Variants in ABLIM1 observed in about 807,000 individuals in gnomAD.
The protein encoded by ABLIM1 is actin binding LIM protein 1, also known as actin-binding LIM protein 1.
In ABLIM1, 40 loss-of-function variants were observed where a neutral mutation model predicts 107.0. That is an observed-to-expected ratio of 0.37 (90% CI 0.29 to 0.49). The LOEUF is 0.49. ABLIM1 is among the 20% of genes least tolerant of loss of function. The probability of loss-of-function intolerance (pLI) is 0.97; values close to 1 mark genes in which losing one functional copy is unlikely to be tolerated. For missense variants in ABLIM1, 857 were observed against 1,008.5 expected, an observed-to-expected ratio of 0.85 and a Z score of 2.04; for synonymous variants, 357 against 357.3, an observed-to-expected ratio of 1.00 and a Z score of 0.01.
At chr10:114,597,167 G>A (rs2075497452) in intron 2 of ABLIM1, among the ~76,000 whole-genome samples, 1 of 152,218 alleles carries the variant, frequency 6.6e-6, no homozygotes, top group South Asian at 2.1e-4. Context: ...GTTGTTTTAG[G>A]ACTTGGCTGC....
In ABLIM1 at chr10:114,733,263, A is replaced by G. The variant is rs1353874464; in HGVS notation, c.-213+34798T>C. On this transcript the variant is annotated intron_variant, in intron 1 of 15. Coordinates refer to the ABLIM1 transcript ENST00000651092. ...CAGGGTGGAAGAACAGAGGGAACAG[A>G]GTCCTAATCAAAGACCACAGGGAAA... 2.0e-5 allele frequency among the ~76,000 whole-genome samples: 3 copies of G among 152,190 alleles called. No homozygotes were observed. The East Asian group carries it at 5.8e-4, about 29-fold the overall frequency.
intron 6 of ABLIM1, among the ~76,000 whole-genome samples, chr10:114,521,991 C>T (rs1275909996): frequency 6.6e-6 from 1 of 151,996 alleles, no homozygotes; most frequent in Non-Finnish European, 1.5e-5. Flanking sequence ...TCAAAAGAGG[C>T]AGGTTGAATA....
chr10:114,788,170 G>A, the ABLIM1 span, among the ~76,000 whole-genome samples: 1 of 151,204 alleles, frequency 6.6e-6, no homozygotes, highest in Non-Finnish European at 1.5e-5. Context: ...CTAATCTCAA[G>A]TACCCAGGGA....
chr10:114,448,219 A>G (rs1402912167), intron 14 of ABLIM1, among the ~76,000 whole-genome samples, 199 bp from the exon 15 acceptor site: 1 of 152,252 alleles, frequency 6.6e-6, no homozygotes, highest in Non-Finnish European at 1.5e-5. Flanking sequence ...TTACGTCAGA[A>G]GCAAAGCTTC....
chr10:114,474,640 C>A (rs11196756), intron 8 of ABLIM1, among the ~76,000 whole-genome samples: 76,209 of 151,514 alleles, frequency 0.5, 19,385 homozygotes, highest in East Asian at 0.6. Context: ...TCCACCTCCC[C>A]AAGTGCTGGG....
chr10:114,512,351 C>T (rs949941526), intron 6 of ABLIM1, among the ~76,000 whole-genome samples: 4 of 152,194 alleles, frequency 2.6e-5, no homozygotes, highest in African/African-American at 4.8e-5. Context: ...AAAGGCTTTA[C>T]GTAGGAACCT....
intron 1 of ABLIM1, among the ~76,000 whole-genome samples, chr10:114,735,104 A>G (rs2082152106): frequency 6.6e-6 from 1 of 152,148 alleles, no homozygotes; most frequent in Admixed American, 6.5e-5. Context: ...TTACAAAGAC[A>G]AGATAGATTC....
chr10:114,472,252 T>C (rs1275351691), intron 10 of ABLIM1, among the ~76,000 whole-genome samples: 1 of 152,134 alleles, frequency 6.6e-6, no homozygotes, highest in African/African-American at 2.4e-5. Flanking sequence ...TAGGACCATT[T>C]TTCTTATTTT....
intron 14 of ABLIM1, 37 bp downstream of exon 14, chr10:114,451,587 G>T (rs374482898): frequency 1.3e-6 from 2 of 1,582,810 alleles, no homozygotes; most frequent in Admixed American, 1.7e-5. Context: ...AGCTGACTTT[G>T]CTATTTAAAA....
At chr10:114,775,741 T>C in the ABLIM1 span, among the ~76,000 whole-genome samples, 9 of 152,234 alleles carry the variant, frequency 5.9e-5, no homozygotes, top group African/African-American at 2.2e-4. Flanking sequence ...CATTTGTGAC[T>C]GAACTCCAAA....
rs34180605 is a variant in ABLIM1, at chr10:114,721,126, AG to A, written c.-213+46934del. On this transcript the variant is annotated intron_variant, in intron 1 of 15. Coordinates refer to the ABLIM1 transcript ENST00000651092. Reference sequence around the variant, plus strand: ...TAAGGAGGGCTGCCACACTATTAATAGATTGAGTAGCTTTACAAAGTCTGGT... The same window carrying A: ...TAAGGAGGGCTGCCACACTATTAATAATTGAGTAGCTTTACAAAGTCTGGT... Among the ~76,000 whole-genome samples, 1,513 of 152,320 alleles carry A rather than the reference AG, an allele frequency of 9.9e-3. 24 individuals carry two copies. The highest frequency in any genetic ancestry group is 0.033 in the African/African-American group (1,383 of 41,568).
chr10:114,513,762 G>T (rs1255037416), intron 6 of ABLIM1, among the ~76,000 whole-genome samples: 1 of 152,128 alleles, frequency 6.6e-6, no homozygotes, highest in African/African-American at 2.4e-5. Flanking sequence ...ACAAGCAATC[G>T]ATTTTTCCAT....
intron 6 of ABLIM1, among the ~76,000 whole-genome samples, chr10:114,501,398 C>A (rs755748053): frequency 3.9e-5 from 6 of 152,206 alleles, no homozygotes; most frequent in Non-Finnish European, 8.8e-5. Flanking sequence ...AAGATCTGCA[C>A]TGGCAAAGCA....
intron 2 of ABLIM1, among the ~76,000 whole-genome samples, chr10:114,582,039 G>T (rs2073443174): frequency 6.6e-6 from 1 of 152,030 alleles, no homozygotes; most frequent in Admixed American, 6.6e-5. Flanking sequence ...GAGAAAGAAA[G>T]AAAAGTCATC....
At chr10:114,546,617 G>A (rs2067380720) in intron 5 of ABLIM1, among the ~76,000 whole-genome samples, 1 of 152,216 alleles carries the variant, frequency 6.6e-6, no homozygotes, top group South Asian at 2.1e-4. Flanking sequence ...CAGTGCAGGT[G>A]TTTCAGCCTT....
At chr10:114,478,521 T>C (rs2056833303) in intron 8 of ABLIM1, among the ~76,000 whole-genome samples, 1 of 152,186 alleles carries the variant, frequency 6.6e-6, no homozygotes, top group Non-Finnish European at 1.5e-5. Context: ...GTGAGAGAAG[T>C]CTCACGAGAC....
At chr10:114,605,382 C>A (rs1366963067) in intron 1 of ABLIM1, among the ~76,000 whole-genome samples, 1 of 152,168 alleles carries the variant, frequency 6.6e-6, no homozygotes, top group Non-Finnish European at 1.5e-5. Context: ...CCCTTATCTG[C>A]CAACTGGTTG....
chr10:114,775,301 G>A, the ABLIM1 span, among the ~76,000 whole-genome samples: 7 of 152,156 alleles, frequency 4.6e-5, no homozygotes, highest in Admixed American at 4.6e-4. Context: ...TGAGATTTGG[G>A]TGGGGACACA....
intron 6 of ABLIM1, among the ~76,000 whole-genome samples, chr10:114,533,773 C>A (rs1386216631): frequency 6.6e-6 from 1 of 152,112 alleles, no homozygotes; most frequent in South Asian, 2.1e-4. Context: ...AACACCTGGG[C>A]TCTAGCAGTC....
Sources: gnomAD v4.1 joint callset for allele counts (sites outside exome capture counted in the v4.1 genomes callset) on GRCh38, gnomAD v4.1.1 for gene constraint, MANE v1.5 for transcripts, NCBI Gene and HGNC (gene_info 2026-07-23, HGNC 2026-07-21) for gene names.